ACTN2: variants seen among roughly 807,000 people sequenced by gnomAD.
ACTN2 encodes the protein alpha-actinin-2.
ACTN2 carries 39 observed loss-of-function variants against 113.8 expected under a neutral mutation model. The ratio of observed to expected loss-of-function variants is 0.34; its 90% CI spans 0.27 to 0.45. The LOEUF (loss-of-function observed/expected upper bound fraction) is 0.45. Among genes scored for constraint, ACTN2 ranks in the 20% least tolerant of loss-of-function variants. The pLI, the probability that ACTN2 is intolerant of heterozygous loss-of-function variation, is 1.00. For synonymous variants in ACTN2, 429 were observed against 444.1 expected (o/e 0.97, Z 0.43); for missense variants, 992 against 1,177.9 (o/e 0.84, Z 2.31).
chr1:236,687,902 C>T (rs1471887556), intron 1 of ACTN2, among the ~76,000 whole-genome samples: 1 of 152,148 alleles, frequency 6.6e-6, no homozygotes, highest in Non-Finnish European at 1.5e-5. Context: ...TCTTGTCTAC[C>T]CTCTCTCCTA....
chr1:236,750,488 C>T (rs1433891028), intron 14 of ACTN2, among the ~76,000 whole-genome samples: 1 of 152,196 alleles, frequency 6.6e-6, no homozygotes, highest in African/African-American at 2.4e-5. Flanking sequence ...TTGGAAGTCA[C>T]ACTCTTTGTC....
Position 236,686,601 on chromosome 1 carries a change from T to C in ACTN2, c.-73T>C. On this transcript the variant is annotated 5_prime_UTR_variant, in exon 1 of 21. Transcript: ENST00000366578. The stretch of plus-strand genomic sequence containing the variant: ...CGCCGCCCGCCGCCCGCCGCCTCCG[T>C]GGGTCCGTTTGCCAGTCAGCCCGTG... The C allele has an allele frequency of 6.8e-7, 1 of 1,467,152 alleles. No homozygotes were observed. The highest frequency in any genetic ancestry group is 1.4e-5 in the South Asian group (1 of 73,040). 90.9% of individuals were successfully genotyped at this position (1,467,152 alleles called of 1,614,324 possible). A position where few individuals can be genotyped will look rare whatever the true frequency, so the allele number is the denominator to read the frequency against.
Position 236,750,638 on chromosome 1 carries a change from G to A in ACTN2, c.1657-832G>A, listed in dbSNP as rs149323244. Among the ~76,000 whole-genome samples, 926 of 152,314 alleles carry A rather than the reference G, an allele frequency of 6.1e-3. 9 individuals are homozygous for A. The highest frequency in any genetic ancestry group is 0.021 in the African/African-American group (871 of 41,562). The stretch of plus-strand genomic sequence containing the variant: ...CATGTTCAGGTCAAAGAATAGGTTT[G>A]ATAAATGGCTCTTTAGAGAGCCTTC... On this transcript the variant is annotated intron_variant, in intron 14 of 20. Transcript: ENST00000366578.
intron 1 of ACTN2, among the ~76,000 whole-genome samples, chr1:236,712,189 C>T (rs1658047140): frequency 2.0e-5 from 3 of 152,118 alleles, no homozygotes; most frequent in South Asian, 2.1e-4. Flanking sequence ...TTTATCTTAT[C>T]CATGATTAAC....
intron 4 of ACTN2, among the ~76,000 whole-genome samples, chr1:236,723,021 G>A (rs1209904924): frequency 1.3e-5 from 2 of 152,342 alleles, no homozygotes; most frequent in Non-Finnish European, 2.9e-5. Context: ...TGGCCCAAGA[G>A]TGTTCACACA....
rs918673245 is a variant in ACTN2, at chr1:236,761,952, CAGCTGATTT to C, written c.2527-506_2527-498del. On this transcript the variant is annotated intron_variant, in intron 20 of 20. Transcript: ENST00000366578. Reference sequence around the variant, plus strand: ...GGGTGAGGGTGGATGGGAAATAGCCCAGCTGATTTAGAAGGTAAGAAACCATGGCTCCTC... The same window carrying C: ...GGGTGAGGGTGGATGGGAAATAGCCCAGAAGGTAAGAAACCATGGCTCCTC... Among the ~76,000 whole-genome samples the C allele has an allele frequency of 1.6e-3, 244 of 152,160 alleles. 2 individuals are homozygous for C. The highest frequency in any genetic ancestry group is 1.3e-3 in the Non-Finnish European group (90 of 68,014).
chr1:236,722,781 A>G (rs557968125), intron 4 of ACTN2, among the ~76,000 whole-genome samples: 62 of 152,308 alleles, frequency 4.1e-4, no homozygotes, highest in African/African-American at 1.5e-3. Context: ...AATCTGTAAC[A>G]TGCTTTTTAT....
chr1:236,749,874 G>C (rs537319719), intron 14 of ACTN2, among the ~76,000 whole-genome samples: 1 of 152,242 alleles, frequency 6.6e-6, no homozygotes, highest in South Asian at 2.1e-4. Flanking sequence ...AAACATATGT[G>C]CTCTTGGAGT....
chr1:236,724,254 G>A (rs1658482277), intron 4 of ACTN2, among the ~76,000 whole-genome samples: 1 of 152,120 alleles, frequency 6.6e-6, no homozygotes, highest in African/African-American at 2.4e-5. Flanking sequence ...ACACTAATCC[G>A]ATCATGAGGG....
At chr1:236,753,811 T>G in intron 15 of ACTN2, 136 bp from the exon 16 acceptor site, 1 of 1,093,144 alleles carries the variant, frequency 9.1e-7, no homozygotes, top group Non-Finnish European at 1.4e-6. Context: ...TCCCTCTTCC[T>G]TCCCCCTACA....
chr1:236,687,753 T>C (rs1428733815), intron 1 of ACTN2, among the ~76,000 whole-genome samples: 3 of 152,234 alleles, frequency 2.0e-5, no homozygotes, highest in Non-Finnish European at 4.4e-5. Flanking sequence ...GTACTGTAGC[T>C]GATTGTGCGA....
In ACTN2 at chr1:236,754,347, A is replaced by C. The variant is rs890838415; in HGVS notation, c.1974+266A>C. On this transcript the variant is annotated intron_variant, in intron 16 of 20. Coordinates refer to ENST00000366578, the MANE Select transcript of ACTN2 (RefSeq NM_001103.4). This position sits in a 1 kb window ranked among gnomAD's most constrained non-coding sequence, Gnocchi z 4.9. ...GGTTCTGTTTATTTTCTCACTAAAA[A>C]TGGTGACAGGGCTTTCTCCGTTTTT... Among the ~76,000 whole-genome samples, 9 of 152,214 alleles carry C rather than the reference A, an allele frequency of 5.9e-5. No homozygotes were observed. Among genetic ancestry groups the C allele is most frequent in the African/African-American group, 2.2e-4 (9 of 41,462 alleles).
At chr1:236,739,221 T>C (rs1658989008) in intron 9 of ACTN2, 81 bp from the exon 10 acceptor site, 1 of 1,357,896 alleles carries the variant, frequency 7.4e-7, no homozygotes, top group South Asian at 1.2e-5. Context: ...TTACAAATTA[T>C]TGGATGCCTC....
At position 236,739,405 on chromosome 1, in the gene ACTN2, G is replaced by C. The variant is rs554811924; in HGVS notation, c.980G>C (p.Arg327Pro). 6.2e-7 allele frequency: 1 copy of C among 1,613,890 alleles called. No individual in the cohort carries two copies. Among genetic ancestry groups the C allele is most frequent in the Non-Finnish European group, 8.5e-7 (1 of 1,180,004 alleles). Residue 327 changes from arginine to proline, a missense_variant, in exon 10 of 21, where the codon CGC becomes CCC. Arg to Pro is a moderately radical substitution (Grantham distance 103, BLOSUM62 -2). Coordinates refer to ENST00000366578, the MANE Select transcript of ACTN2 (RefSeq NM_001103.4). ...QKKLEDFRDY[R>P]RKHKPPKVQE... ...AAGCTGGAGGACTTCCGGGATTACC[G>C]CCGGAAGCACAAGCCACCCAAGGTG... is the stretch of plus-strand genomic sequence containing the variant.
chr1:236,749,240 T>C lies in ACTN2; in HGVS notation c.1632T>C (p.Ile544=), dbSNP rs372229326. 1.1e-5 allele frequency: 18 copies of C among 1,614,094 alleles called. No homozygotes were observed. The highest frequency in any genetic ancestry group is 1.5e-5 in the Non-Finnish European group (18 of 1,180,052). Residue 544 remains isoleucine (I), a synonymous_variant, in exon 14 of 21, where the codon ATT becomes ATC. Coordinates refer to ENST00000366578, the MANE Select transcript of ACTN2 (RefSeq NM_001103.4). ...GAMEDLQDMF[I]VHSIEEIQSL... ...TGGAGGATCTGCAAGATATGTTCAT[T>C]GTCCACAGCATTGAGGAGATCCAGG...
chr1:236,709,709 A>G (rs1558227949), intron 1 of ACTN2, among the ~76,000 whole-genome samples: 1 of 152,086 alleles, frequency 6.6e-6, no homozygotes, highest in Non-Finnish European at 1.5e-5. Context: ...CCTGACAGAC[A>G]ATGCTGTCTT....
intron 4 of ACTN2, among the ~76,000 whole-genome samples, chr1:236,722,549 C>T (rs1835284): frequency 0.013 from 1,920 of 149,680 alleles, 77 homozygotes; most frequent in Admixed American, 0.081. Flanking sequence ...GCAGGAGAAT[C>T]GCTTGAACCT....
intron 10 of ACTN2, among the ~76,000 whole-genome samples, chr1:236,740,315 T>C (rs903428135): frequency 6.6e-6 from 1 of 151,844 alleles, no homozygotes; most frequent in Non-Finnish European, 1.5e-5. Context: ...GGTTTCACCA[T>C]GTTGGTCAGG....
chr1:236,693,070 AACT>A (rs1312153341), intron 1 of ACTN2, among the ~76,000 whole-genome samples: 1 of 152,084 alleles, frequency 6.6e-6, no homozygotes, highest in Non-Finnish European at 1.5e-5. Context: ...GACGCTTGCA[AACT>A]ACTATGCTAG....
Sources: gnomAD v4.1 joint callset for allele counts (sites outside exome capture counted in the v4.1 genomes callset) on GRCh38, gnomAD v4.1.1 for gene constraint, Gnocchi (gnomAD v3.1) non-coding constraint, MANE v1.5 for transcripts, NCBI Gene and HGNC (gene_info 2026-07-23, HGNC 2026-07-21) for gene names.